The following MKLN1 variants were observed in gnomAD, a reference collection of about 807,000 sequenced individuals.
The protein encoded by MKLN1 is muskelin.
MKLN1 carries 18 observed loss-of-function variants against 99.0 expected under a neutral mutation model. The observed-to-expected ratio is 0.18, with a 90% CI of 0.13 to 0.27. MKLN1 has a LOEUF of 0.27. Ranked by LOEUF, MKLN1 falls within the 10% of genes least tolerant of loss-of-function variation. MKLN1 has a pLI of 1.00. For missense variants in MKLN1, 621 were observed against 875.9 expected, an observed-to-expected ratio of 0.71 and a Z score of 3.67; for synonymous variants, 288 against 293.2, an observed-to-expected ratio of 0.98 and a Z score of 0.18.
rs373251510 is a variant in MKLN1 at position 131,114,513 on chromosome 7, C to T, written c.-419+4306C>T. On this transcript the variant is annotated intron_variant, in intron 1 of 7. Transcript: ENST00000416992. ...GATCTACTTTGGAACCCTATGAAAA[C>T]CCTGATATTTAAAAAGTGAGGAAAG... Among the ~76,000 whole-genome samples, 11 of 152,132 alleles carry T rather than the reference C, an allele frequency of 7.2e-5. No individual in the cohort carries two copies. The East Asian group carries it at 2.1e-3, about 29-fold the overall frequency.
At chr7:131,171,792 A>T (rs868289109) in intron 2 of MKLN1, among the ~76,000 whole-genome samples, 1 of 152,238 alleles carries the variant, frequency 6.6e-6, no homozygotes, top group East Asian at 1.9e-4. Context: ...ATATACTCAT[A>T]CATTGTTTGG....
intron 3 of MKLN1, among the ~76,000 whole-genome samples, chr7:131,294,329 G>A (rs917538294): frequency 6.6e-6 from 1 of 152,138 alleles, no homozygotes; most frequent in Non-Finnish European, 1.5e-5. Flanking sequence ...ACTTTCTAAT[G>A]CTTCAACGGT....
intron 1 of MKLN1, among the ~76,000 whole-genome samples, chr7:131,357,528 G>T (rs185609349): frequency 6.6e-6 from 1 of 152,214 alleles, no homozygotes; most frequent in African/African-American, 2.4e-5. Flanking sequence ...CTTTATGGGA[G>T]ATTTGTCTCT....
chr7:131,466,927 GCGCGCGCGCACACACGCA>G (rs1796680088), intron 15 of MKLN1, among the ~76,000 whole-genome samples: 1 of 149,072 alleles, frequency 6.7e-6, no homozygotes, highest in Non-Finnish European at 1.5e-5. Flanking sequence ...ACACACACGC[GCGCGCGCGCACACACGCA>G]CGCAGGCACC....
intron 3 of MKLN1, among the ~76,000 whole-genome samples, chr7:131,238,492 T>C (rs932274714): frequency 3.3e-5 from 5 of 152,278 alleles, no homozygotes; most frequent in Middle Eastern, 3.4e-3. Context: ...ATGAGATCAC[T>C]TATTTGCAGA....
At chr7:131,227,117 C>A (rs1797159027) in intron 3 of MKLN1, among the ~76,000 whole-genome samples, 1 of 152,182 alleles carries the variant, frequency 6.6e-6, no homozygotes, top group African/African-American at 2.4e-5. Context: ...TTCATGTGAG[C>A]TTTTCTACCC....
intron 10 of MKLN1, among the ~76,000 whole-genome samples, chr7:131,440,885 T>C (rs907327875): frequency 2.0e-5 from 3 of 152,118 alleles, no homozygotes; most frequent in Non-Finnish European, 4.4e-5. Flanking sequence ...CTCTAAGACA[T>C]ATATTAATAA....
At chr7:131,338,990 AT>A (rs1799327960) in intron 1 of MKLN1, among the ~76,000 whole-genome samples, 1 of 152,158 alleles carries the variant, frequency 6.6e-6, no homozygotes, top group African/African-American at 2.4e-5. Flanking sequence ...AATAGTAAAT[AT>A]TTTTTCTCTT....
At chr7:131,322,792 G>A (rs1015563739) in intron 3 of MKLN1, among the ~76,000 whole-genome samples, 22 of 151,136 alleles carry the variant, frequency 1.5e-4, no homozygotes, top group African/African-American at 4.4e-4. Flanking sequence ...GGATGGTCTC[G>A]ATCTCCTGAC....
intron 3 of MKLN1, among the ~76,000 whole-genome samples, chr7:131,240,272 C>T (rs893094202): frequency 1.3e-5 from 2 of 152,124 alleles, no homozygotes; most frequent in African/African-American, 4.8e-5. Context: ...AGTTAAAAGG[C>T]TACCTACAAA....
intron 1 of MKLN1, among the ~76,000 whole-genome samples, chr7:131,355,755 G>A (rs554250343): frequency 6.6e-6 from 1 of 150,436 alleles, no homozygotes; most frequent in Non-Finnish European, 1.5e-5. Context: ...CAAACTCCTG[G>A]GCTCAAGTGA....
chr7:131,323,268 T>C (rs1421482314), upstream of MKLN1: 1 of 152,174 alleles, frequency 6.6e-6, no homozygotes, highest in African/African-American at 2.4e-5. Flanking sequence ...AGGGATGAGT[T>C]CAGATCACAG....
chr7:131,200,688 T>C (rs1796714112), intron 2 of MKLN1, among the ~76,000 whole-genome samples: 1 of 152,254 alleles, frequency 6.6e-6, no homozygotes, highest in African/African-American at 2.4e-5. Flanking sequence ...GCAATGGCTC[T>C]GTTTATCTCA....
intron 3 of MKLN1, among the ~76,000 whole-genome samples, chr7:131,321,355 T>G (rs1798771773): frequency 6.6e-6 from 1 of 152,092 alleles, no homozygotes; most frequent in African/African-American, 2.4e-5. Context: ...ATGTTCTCAC[T>G]AATAAGTGGG....
At chr7:131,358,323 C>T (rs1799938488) in intron 1 of MKLN1, among the ~76,000 whole-genome samples, 1 of 152,086 alleles carries the variant, frequency 6.6e-6, no homozygotes, top group Non-Finnish European at 1.5e-5. Context: ...TCTTCTTTAG[C>T]CTATTGATGT....
chr7:131,271,897 G>A (rs1445567582), intron 3 of MKLN1, among the ~76,000 whole-genome samples: 2 of 136,692 alleles, frequency 1.5e-5, no homozygotes, highest in African/African-American at 2.6e-5. Context: ...CAACAAAAGC[G>A]AAACTCTGTC....
At chr7:131,141,869 TTATTTTTTC>T (rs1795738370) in intron 1 of MKLN1, among the ~76,000 whole-genome samples, 1 of 152,224 alleles carries the variant, frequency 6.6e-6, no homozygotes, top group South Asian at 2.1e-4. Flanking sequence ...TACGGGGACC[TTATTTTTTC>T]TATTCACCTT....
chr7:131,227,786 G>A (rs772882668), intron 3 of MKLN1, among the ~76,000 whole-genome samples: 142 of 152,012 alleles, frequency 9.3e-4, no homozygotes, highest in Non-Finnish European at 1.2e-3. Context: ...GGCTGGTCTC[G>A]AACTCCTGGC....
At chr7:131,289,996 G>A (rs943317929) in intron 3 of MKLN1, among the ~76,000 whole-genome samples, 2 of 152,090 alleles carry the variant, frequency 1.3e-5, no homozygotes, top group Non-Finnish European at 2.9e-5. Flanking sequence ...TTTAAATGAT[G>A]ACAATGCTAT....
Sources: allele counts gnomAD v4.1 joint callset (sites outside exome capture counted in the v4.1 genomes callset), GRCh38; gene constraint gnomAD v4.1.1; transcripts MANE v1.5; gene names NCBI Gene and HGNC (gene_info 2026-07-23, HGNC 2026-07-21).